The following FHIT variants were observed in gnomAD, a reference collection of about 807,000 sequenced individuals.
The protein encoded by FHIT is fragile histidine triad diadenosine triphosphatase, also known as bis(5'-adenosyl)-triphosphatase.
A neutral mutation model predicts 17.9 loss-of-function variants in FHIT; 19 were observed. That is an observed-to-expected ratio of 1.06 (90% confidence interval 0.74 to 1.56). The LOEUF is 1.56. Ranked by LOEUF, FHIT falls within the 40% of genes most tolerant of loss-of-function variation. The pLI, the probability that FHIT is intolerant of heterozygous loss-of-function variation, is 0.00. For synonymous variants in FHIT, 81 were observed against 69.7 expected, an observed-to-expected ratio of 1.16 and a Z score of -0.81; for missense variants, 248 against 189.2, an observed-to-expected ratio of 1.31 and a Z score of -1.82.
chr3:60,437,750 C>T (rs899989742), intron 5 of FHIT, among the ~76,000 whole-genome samples: 17 of 152,014 alleles, frequency 1.1e-4, no homozygotes, highest in African/African-American at 3.4e-4. Flanking sequence ...TAAATAAAGG[C>T]CTTCTCATGC....
intron 4 of FHIT, among the ~76,000 whole-genome samples, chr3:60,652,727 CA>C (rs782637479): frequency 0.19 from 11,218 of 59,000 alleles, 238 homozygotes; most frequent in African/African-American, 0.22. Flanking sequence ...GACTCCATCT[CA>C]AAAAAAAAAA....
intron 8 of FHIT, among the ~76,000 whole-genome samples, chr3:59,875,886 G>GT (rs1703134021): frequency 6.7e-6 from 1 of 149,550 alleles, no homozygotes; most frequent in African/African-American, 2.4e-5. Flanking sequence ...AGATGTCAGA[G>GT]TTTTTCCCAA....
intron 5 of FHIT, among the ~76,000 whole-genome samples, chr3:60,514,441 G>C (rs1220346762): frequency 6.6e-6 from 1 of 152,196 alleles, no homozygotes; most frequent in Non-Finnish European, 1.5e-5. Context: ...AGCAGCTTCA[G>C]TTCCTGCCAG....
chr3:60,789,296 ATCACGAGG>A (rs1315931751), intron 4 of FHIT, among the ~76,000 whole-genome samples: 1 of 151,970 alleles, frequency 6.6e-6, no homozygotes, highest in Non-Finnish European at 1.5e-5. Flanking sequence ...AGGCGGGTAG[ATCACGAGG>A]TCAAGAGATC....
intron 8 of FHIT, among the ~76,000 whole-genome samples, chr3:59,897,969 G>A (rs544914718): frequency 3.3e-5 from 5 of 152,032 alleles, no homozygotes; most frequent in South Asian, 2.1e-4. Flanking sequence ...GGGTTTCGCC[G>A]TGTTAGCCAG....
At chr3:60,063,616 T>C (rs1052339329) in intron 5 of FHIT, among the ~76,000 whole-genome samples, 1 of 152,208 alleles carries the variant, frequency 6.6e-6, no homozygotes, top group African/African-American at 2.4e-5. Context: ...ATGAAGAGAT[T>C]TTCCTTCTGT....
At chr3:59,974,847 A>T (rs557807336) in intron 7 of FHIT, among the ~76,000 whole-genome samples, 1 of 152,250 alleles carries the variant, frequency 6.6e-6, no homozygotes, top group East Asian at 1.9e-4. Context: ...GAAAAGTTCT[A>T]CACCAACTCC....
At chr3:60,572,574 T>C (rs2107665580) in intron 4 of FHIT, among the ~76,000 whole-genome samples, 1 of 152,180 alleles carries the variant, frequency 6.6e-6, no homozygotes, top group East Asian at 1.9e-4. Flanking sequence ...TATCTACAGA[T>C]CATCCTGGTA....
Position 60,107,150 on chromosome 3 carries a change from C to CTT in FHIT, c.104-93000_104-92999dup, listed in dbSNP as rs540311961. Among the ~76,000 whole-genome samples, 828 of 95,122 alleles carry CTT rather than the reference C, an allele frequency of 8.7e-3. 29 individuals carry two copies. The highest frequency in any genetic ancestry group is 0.029 in the African/African-American group (696 of 24,226). The allele number at this position is 95,122 out of a possible 152,430, so 62.4% of individuals were successfully genotyped here. A position where few individuals can be genotyped will look rare whatever the true frequency, so the allele number is the denominator to read the frequency against. On this transcript the variant is annotated intron_variant, in intron 5 of 9. Coordinates refer to ENST00000492590, the MANE Select transcript of FHIT (RefSeq NM_002012.4). ...ATTTTAACCTTTAAAAGCTTTAATT[C>CTT]TTTTTTTTTTTTTTTTTTTTTTGTA...
chr3:60,238,447 C>CAAAAAAAAAA (rs374701930), intron 5 of FHIT, among the ~76,000 whole-genome samples: 1 of 117,548 alleles, frequency 8.5e-6, no homozygotes, highest in Non-Finnish European at 1.7e-5. Flanking sequence ...CTGTACTAAG[C>CAAAAAAAAAA]AAAAAAAAAA....
chr3:61,092,335 C>T (rs868771447), intron 2 of FHIT, among the ~76,000 whole-genome samples: 3 of 152,138 alleles, frequency 2.0e-5, no homozygotes, highest in East Asian at 1.9e-4. Context: ...TACATCCCAA[C>T]GACCCACTAC....
chr3:61,025,402 C>T (rs144553205), intron 3 of FHIT, among the ~76,000 whole-genome samples: 38 of 152,280 alleles, frequency 2.5e-4, no homozygotes, highest in Middle Eastern at 3.4e-3. Context: ...TTGTTCTTCA[C>T]GGGCAATGTC....
chr3:60,342,529 G>A (rs1710576658), intron 5 of FHIT, among the ~76,000 whole-genome samples: 2 of 152,190 alleles, frequency 1.3e-5, no homozygotes, highest in Admixed American at 1.3e-4. Context: ...TTATTGTGAA[G>A]CTTTTAATAG....
chr3:60,226,472 C>CAAAAAAAAAAAAAA lies in FHIT; in HGVS notation c.104-212334_104-212321dup, dbSNP rs1189100387. Among the ~76,000 whole-genome samples the CAAAAAAAAAAAAAA allele has an allele frequency of 3.4e-3, 239 of 70,084 alleles. 28 individuals carry two copies. Among genetic ancestry groups the CAAAAAAAAAAAAAA allele is most frequent in the African/African-American group, 7.2e-3 (125 of 17,258 alleles). The allele number at this position is 70,084 out of a possible 152,430, so 46.0% of individuals were successfully genotyped here. The stretch of plus-strand genomic sequence containing the variant: ...GGGCAACAAGAGTGAAACTCCGTCT[C>CAAAAAAAAAAAAAA]AAAAAAAAAAAAAAAAAAAAAACAC... On this transcript the variant is annotated intron_variant, in intron 5 of 9. Transcript: ENST00000492590.
intron 5 of FHIT, among the ~76,000 whole-genome samples, chr3:60,163,621 G>A (rs1457932069): frequency 2.0e-5 from 3 of 152,134 alleles, no homozygotes; most frequent in Non-Finnish European, 4.4e-5. Flanking sequence ...AGCCTCTCCA[G>A]CATCCCTGGC....
intron 5 of FHIT, among the ~76,000 whole-genome samples, chr3:60,164,519 G>C (rs1290014105): frequency 6.6e-6 from 1 of 152,064 alleles, no homozygotes; most frequent in Non-Finnish European, 1.5e-5. Flanking sequence ...TTAAGACACA[G>C]AAGACATTAC....
chr3:60,873,949 T>G (rs907390431), intron 3 of FHIT, among the ~76,000 whole-genome samples: 8 of 152,154 alleles, frequency 5.3e-5, no homozygotes, highest in African/African-American at 1.9e-4. Context: ...CCTAAGCAAG[T>G]GCCTATAGTA....
intron 5 of FHIT, among the ~76,000 whole-genome samples, chr3:60,266,089 A>G (rs1408095887): frequency 6.6e-6 from 1 of 152,058 alleles, no homozygotes; most frequent in East Asian, 1.9e-4. Flanking sequence ...TGTTCACACA[A>G]AAGTTCTATA....
intron 8 of FHIT, among the ~76,000 whole-genome samples, chr3:59,907,393 T>C (rs1207516901): frequency 6.6e-6 from 1 of 152,224 alleles, no homozygotes; most frequent in Non-Finnish European, 1.5e-5. Flanking sequence ...TGCTTAGCAG[T>C]AGTCTCCTTC....
Sources: allele counts gnomAD v4.1 joint callset (sites outside exome capture counted in the v4.1 genomes callset), GRCh38; gene constraint gnomAD v4.1.1; transcripts MANE v1.5; gene names NCBI Gene and HGNC (gene_info 2026-07-23, HGNC 2026-07-21).